VPS13B: variants seen among roughly 807,000 people sequenced by gnomAD.
The protein encoded by VPS13B is intermembrane lipid transfer protein VPS13B.
Under a neutral mutation model 426.4 loss-of-function variants are expected in VPS13B, and 285 were observed. That is an observed-to-expected ratio of 0.67 (90% CI 0.61 to 0.74). VPS13B has a LOEUF of 0.74. VPS13B is among the 30% of genes least tolerant of loss of function. The pLI is 0.00. For missense variants in VPS13B, 4,537 were observed against 4,782.6 expected (o/e 0.95, Z 1.51); for synonymous variants, 1,676 against 1,676.4 (o/e 1.00, Z 0.01).
At chr8:99,838,592 C>T (rs1815513824) in intron 54 of VPS13B, among the ~76,000 whole-genome samples, 2 of 152,190 alleles carry the variant, frequency 1.3e-5, no homozygotes, top group African/African-American at 4.8e-5. Context: ...TTGGTACTGG[C>T]ACCATGTAAA....
intron 36 of VPS13B, among the ~76,000 whole-genome samples, chr8:99,706,242 A>G (rs1832492396): frequency 6.6e-6 from 1 of 152,178 alleles, no homozygotes; most frequent in African/African-American, 2.4e-5. Flanking sequence ...CCTGGATTTC[A>G]GTGTTTGAAG....
At chr8:99,443,402 A>G (rs1386225224) in intron 23 of VPS13B, among the ~76,000 whole-genome samples, 1 of 152,084 alleles carries the variant, frequency 6.6e-6, no homozygotes. Context: ...TTTGATCTCT[A>G]CTTTGATGTT....
intron 3 of VPS13B, among the ~76,000 whole-genome samples, chr8:99,081,531 C>G (rs988998695): frequency 6.6e-6 from 1 of 150,950 alleles, no homozygotes; most frequent in African/African-American, 2.4e-5. Flanking sequence ...CCCATTAACT[C>G]GTCATTTAAC....
In VPS13B at chr8:99,854,081, G is replaced by A. The variant is rs1220489642; in HGVS notation, c.10692G>A (p.Val3564=). 6.2e-7 allele frequency: 1 copy of A among 1,613,026 alleles called. No individual in the cohort carries two copies. Among genetic ancestry groups the A allele is most frequent in the Non-Finnish European group, 8.5e-7 (1 of 1,179,348 alleles). Residue 3564 remains valine, a synonymous_variant, in exon 56 of 62, where the codon GTG becomes GTA. Coordinates refer to ENST00000357162, the MANE Select transcript of VPS13B (RefSeq NM_152564.5). ...LVNPVKLRKL[V]IQPVNLLVSI... Reference sequence around the variant, plus strand: ...ATCCTGTGAAGTTACGGAAACTGGTGATCCAGCCAGTAAATTTGCTCGTCA... The same window carrying A: ...ATCCTGTGAAGTTACGGAAACTGGTAATCCAGCCAGTAAATTTGCTCGTCA...
intron 39 of VPS13B, among the ~76,000 whole-genome samples, chr8:99,756,317 A>C (rs1810641177): frequency 6.6e-6 from 1 of 152,204 alleles, no homozygotes; most frequent in African/African-American, 2.4e-5. Flanking sequence ...GAAGAACAGA[A>C]AATTTTAAAA....
At chr8:99,038,750 G>C (rs1043997044) in intron 3 of VPS13B, among the ~76,000 whole-genome samples, 184 bp downstream of exon 3, 1 of 135,256 alleles carries the variant, frequency 7.4e-6, no homozygotes, top group Non-Finnish European at 1.5e-5. Flanking sequence ...GCAGTGGTGC[G>C]ATCTCGGCTC....
chr8:99,038,378 AT>A (rs1842834621), intron 2 of VPS13B, 44 bp from the exon 3 acceptor site: 1 of 1,463,430 alleles, frequency 6.8e-7, no homozygotes, highest in Non-Finnish European at 9.3e-7. Flanking sequence ...ATAATAAAAA[AT>A]ATTAAGCACT....
chr8:99,365,967 TG>T (rs1269689589), intron 19 of VPS13B, among the ~76,000 whole-genome samples: 1 of 146,308 alleles, frequency 6.8e-6, no homozygotes, highest in Non-Finnish European at 1.6e-5. Context: ...TCAGGTTTTT[TG>T]TTGTTTTTTT....
rs759332197 is a variant in VPS13B at position 99,720,421 on chromosome 8, G to A, written c.6734G>A (p.Gly2245Glu). 2 of 1,613,920 alleles carry A rather than the reference G, an allele frequency of 1.2e-6. No individual in the cohort carries two copies. The highest frequency in any genetic ancestry group is 1.7e-6 in the Non-Finnish European group (2 of 1,179,906). The stretch of plus-strand genomic sequence containing the variant: ...CTCAATGGATACCTTAATGAGGAGG[G>A]AAATTTTGAAGTACAAGTTTCTGAA... ...ELLNGYLNEE[G>E]NFEVQVSEPV... The change falls in exon 38 of 62, where the codon GGA becomes GAA. Residue 2245 changes from glycine to glutamate, a missense_variant. Coordinates refer to ENST00000357162, the MANE Select transcript of VPS13B (RefSeq NM_152564.5).
intron 15 of VPS13B, among the ~76,000 whole-genome samples, chr8:99,169,571 G>A (rs1313084663): frequency 2.0e-5 from 3 of 151,828 alleles, no homozygotes; most frequent in African/African-American, 7.2e-5. Context: ...TATCCTTTTT[G>A]TATGTACATT....
chr8:99,834,633 C>A (rs1815279356), intron 52 of VPS13B, among the ~76,000 whole-genome samples: 1 of 152,142 alleles, frequency 6.6e-6, no homozygotes, highest in African/African-American at 2.4e-5. Flanking sequence ...ACCTCCCAGG[C>A]TTAAGCCAAC....
At chr8:99,367,583 C>G (rs914271572) in intron 19 of VPS13B, among the ~76,000 whole-genome samples, 1 of 152,308 alleles carries the variant, frequency 6.6e-6, no homozygotes, top group East Asian at 1.9e-4. Context: ...AGTAAACTTT[C>G]TACACCTATA....
intron 52 of VPS13B, among the ~76,000 whole-genome samples, chr8:99,833,466 CAA>C (rs571641053): frequency 1.6e-4 from 25 of 152,150 alleles, no homozygotes; most frequent in East Asian, 7.7e-4. Context: ...TTTTAAAAGA[CAA>C]GAGAGATTTT....
intron 39 of VPS13B, among the ~76,000 whole-genome samples, chr8:99,746,283 G>A (rs1335849429): frequency 6.6e-6 from 1 of 152,054 alleles, no homozygotes; most frequent in African/African-American, 2.4e-5. Context: ...CACAACAGGA[G>A]GCAAGAGATG....
In VPS13B at chr8:99,642,117, G is replaced by T; in HGVS notation, c.5527G>T (p.Glu1843Ter). The change falls in exon 34 of 62, where the codon GAA becomes TAA. Residue 1843 changes from glutamate to a stop codon, truncating the protein, a stop_gained. Coordinates refer to ENST00000357162, the MANE Select transcript of VPS13B (RefSeq NM_152564.5). LOFTEE classifies it high-confidence loss of function. ...GAAATCACAAGAACAGAAGAATAAT[G>T]AAAAAACAGACAAGAGTTCATTAAA... ...KSKSQEQKNNEKTDKSSLNLP... is the reference protein window; with the variant it reads ...KSKSQEQKNN The T allele has an allele frequency of 6.2e-7, 1 of 1,614,052 alleles. No individual in the cohort carries two copies. The highest frequency in any genetic ancestry group is 1.1e-5 in the South Asian group (1 of 91,074).
chr8:99,298,720 T>G (rs1820180638), intron 19 of VPS13B, among the ~76,000 whole-genome samples: 1 of 152,238 alleles, frequency 6.6e-6, no homozygotes, highest in Non-Finnish European at 1.5e-5. Flanking sequence ...GAGGTTAGAC[T>G]TTGGAGTCAG....
chr8:99,028,780 C>T (rs1480839370), intron 2 of VPS13B, among the ~76,000 whole-genome samples: 4 of 136,364 alleles, frequency 2.9e-5, no homozygotes, highest in Admixed American at 7.2e-5. Context: ...TCCTCACTTC[C>T]CAGTAGGGGC....
intron 33 of VPS13B, among the ~76,000 whole-genome samples, chr8:99,605,035 T>C (rs1827507555): frequency 6.6e-6 from 1 of 152,246 alleles, no homozygotes; most frequent in African/African-American, 2.4e-5. Context: ...TAATTCCTTC[T>C]ATGCCAGGCA....
At chr8:99,717,150 T>C in intron 36 of VPS13B, 21 bp from the exon 37 acceptor site, 1 of 1,590,676 alleles carries the variant, frequency 6.3e-7, no homozygotes, top group Non-Finnish European at 8.6e-7. Flanking sequence ...AATTATATAC[T>C]CTTCTGTATT....
Sources: gnomAD v4.1 joint callset for allele counts (sites outside exome capture counted in the v4.1 genomes callset) on GRCh38, gnomAD v4.1.1 for gene constraint, MANE v1.5 for transcripts, NCBI Gene and HGNC (gene_info 2026-07-23, HGNC 2026-07-21) for gene names.